The following ITSN1 variants were observed in gnomAD, a reference collection of about 807,000 sequenced individuals.
ITSN1 encodes intersectin 1.
In ITSN1, 58 loss-of-function variants were observed where a neutral mutation model predicts 239.8. The observed-to-expected ratio is 0.24, with a 90% CI of 0.20 to 0.30. The LOEUF (loss-of-function observed/expected upper bound fraction) is 0.30, where lower values mean the gene tolerates loss of function less well. ITSN1 is among the 10% of genes least tolerant of loss of function. The probability of loss-of-function intolerance (pLI) is 1.00; values close to 1 mark genes in which losing one functional copy is unlikely to be tolerated. For synonymous variants in ITSN1, 780 were observed against 770.8 expected (o/e 1.01, Z -0.20); for missense variants, 1,558 against 2,103.3 (o/e 0.74, Z 5.07).
chr21:33,704,238 C>T (rs958566764), intron 1 of ITSN1, among the ~76,000 whole-genome samples: 1 of 152,204 alleles, frequency 6.6e-6, no homozygotes, highest in African/African-American at 2.4e-5. Context: ...TAGAAGCTCA[C>T]TGGACTTATA....
intron 29 of ITSN1, among the ~76,000 whole-genome samples, chr21:33,838,746 T>G (rs2074721501): frequency 6.6e-6 from 1 of 152,222 alleles, no homozygotes; most frequent in African/African-American, 2.4e-5. Context: ...AACATAGAAC[T>G]CTACCACCCA....
intron 5 of ITSN1, among the ~76,000 whole-genome samples, chr21:33,738,800 G>A (rs1318178071): frequency 1.3e-5 from 2 of 151,672 alleles, no homozygotes; most frequent in Non-Finnish European, 2.9e-5. Context: ...TGTCTGCATG[G>A]GTTTTTTGTT....
chr21:33,767,656 C>A, intron 10 of ITSN1, 57 bp from the exon 11 acceptor site: 1 of 923,772 alleles, frequency 1.1e-6, no homozygotes, highest in Non-Finnish European at 1.7e-6. Context: ...ATAACTTGTC[C>A]AACTCCACCC....
intron 1 of ITSN1, among the ~76,000 whole-genome samples, chr21:33,688,789 A>AT (rs1247104442): frequency 6.6e-6 from 1 of 151,746 alleles, no homozygotes; most frequent in Admixed American, 6.6e-5. Context: ...CTCTAAGAAT[A>AT]GTTCACTAGT....
At chr21:33,817,203 T>C in intron 22 of ITSN1, 2 of 1,282,546 alleles carry the variant, frequency 1.6e-6, no homozygotes, top group Non-Finnish European at 2.0e-6. Context: ...GCTTAAAAGA[T>C]AATAAATGCC....
At chr21:33,774,307 A>T (rs2069421506) in intron 12 of ITSN1, 1 of 155,788 alleles carries the variant, frequency 6.4e-6, no homozygotes, top group African/African-American at 2.4e-5. Context: ...GAGTTAAGTA[A>T]TAATTTCTCT....
chr21:33,783,242 A>G (rs1452893870), intron 16 of ITSN1, among the ~76,000 whole-genome samples: 1 of 152,186 alleles, frequency 6.6e-6, no homozygotes, highest in Non-Finnish European at 1.5e-5. Context: ...GGAAGAAGTA[A>G]AACTCCTATT....
At position 33,888,226 on chromosome 21, in the gene ITSN1, T is replaced by C; in HGVS notation, c.5092T>C (p.Cys1698Arg). 1 of 1,614,100 alleles carries C rather than the reference T, an allele frequency of 6.2e-7. No homozygotes were observed. Among genetic ancestry groups the C allele is most frequent in the Non-Finnish European group, 8.5e-7 (1 of 1,180,008 alleles). ...GGGCTCCAAAGGTCCAGTTACGAAG[T>C]GTCTTCTGCTGCACGAAGTCCCCAC... ...DQGSKGPVTK[C>R]LLLHEVPTGE... Residue 1698 changes from cysteine to arginine, a missense_variant, in exon 40 of 40, where the codon TGT (cysteine) becomes CGT (arginine). Around this residue, in one of 2 missense-constraint regions of ITSN1, gnomAD observed 576 missense variants for 893.3 expected, o/e 0.64. Transcript: ENST00000381318.
intron 33 of ITSN1, among the ~76,000 whole-genome samples, chr21:33,873,495 C>T (rs908468849): frequency 2.0e-5 from 3 of 152,206 alleles, no homozygotes; most frequent in African/African-American, 7.2e-5. Flanking sequence ...AAGAGGTCCA[C>T]GTGTCTCATT....
At chr21:33,823,398 C>T (rs1322911353) in intron 24 of ITSN1, 89 bp from the exon 25 acceptor site, 1 of 1,170,364 alleles carries the variant, frequency 8.5e-7, no homozygotes, top group African/African-American at 1.5e-5. Context: ...GTCCTAACTT[C>T]CTTATTCGTA....
chr21:33,793,696 T>C (rs1202517427), intron 16 of ITSN1, among the ~76,000 whole-genome samples: 2 of 152,248 alleles, frequency 1.3e-5, no homozygotes, highest in East Asian at 1.9e-4. Flanking sequence ...CATCAAATTA[T>C]AGCTTTTTAC....
chr21:33,740,855 C>A (rs534648223), intron 5 of ITSN1, among the ~76,000 whole-genome samples: 4 of 151,874 alleles, frequency 2.6e-5, no homozygotes, highest in African/African-American at 9.7e-5. Flanking sequence ...GCTTGAGGCT[C>A]CTAGTTCAGG....
At chr21:33,652,107 CATGCTCAA>C (rs1426566694) in intron 1 of ITSN1, among the ~76,000 whole-genome samples, 2 of 151,384 alleles carry the variant, frequency 1.3e-5, no homozygotes, top group African/African-American at 4.9e-5. Context: ...TGAAGGTCAA[CATGCTCAA>C]ATTACCCAGC....
At chr21:33,703,936 A>G (rs927723224) in intron 1 of ITSN1, among the ~76,000 whole-genome samples, 2 of 152,088 alleles carry the variant, frequency 1.3e-5, no homozygotes, top group Non-Finnish European at 2.9e-5. Flanking sequence ...CTTGGGGCTG[A>G]GCTTCCTGCA....
rs772559655 is a variant in ITSN1 at position 33,765,877 on chromosome 21, A to G, written c.791A>G (p.Asn264Ser). ...ACAGTTAACTTTTTGTTGAATAGGA[A>G]TCTTTCTGACATTGATCAAGATGGA... ...LPQAQLASIW[N>S]LSDIDQDGKL... Residue 264 changes from asparagine to serine, a missense_variant and splice_region_variant, in exon 10 of 40, where the codon AAT becomes AGT. Physicochemically the swap from Asn to Ser is conservative, Grantham distance 46. This residue lies in a region of ITSN1 where 982 missense variants were observed against 1,209.9 expected (regional missense o/e 0.81). Coordinates refer to ENST00000381318, the MANE Select transcript of ITSN1 (RefSeq NM_003024.3). 1.9e-6 allele frequency: 3 copies of G among 1,614,090 alleles called. No individual in the cohort carries two copies. Among genetic ancestry groups the G allele is most frequent in the Non-Finnish European group, 2.5e-6 (3 of 1,179,970 alleles).
At chr21:33,812,428 A>G (rs2072978675) in intron 21 of ITSN1, among the ~76,000 whole-genome samples, 1 of 152,226 alleles carries the variant, frequency 6.6e-6, no homozygotes, top group South Asian at 2.1e-4. Context: ...TGTATATCTT[A>G]TAAGGATGTA....
At chr21:33,804,151 C>A (rs2072228233) in intron 20 of ITSN1, among the ~76,000 whole-genome samples, 1 of 152,150 alleles carries the variant, frequency 6.6e-6, no homozygotes, top group South Asian at 2.1e-4. Context: ...TCATCAGATT[C>A]TCAGATTCCT....
intron 23 of ITSN1, among the ~76,000 whole-genome samples, 153 bp from the exon 24 acceptor site, chr21:33,819,085 CTTA>C (rs954010673): frequency 2.0e-5 from 3 of 152,154 alleles, no homozygotes; most frequent in Non-Finnish European, 2.9e-5. Context: ...TCTGTAGTAC[CTTA>C]TTATGTGTTT....
intron 27 of ITSN1, among the ~76,000 whole-genome samples, chr21:33,832,113 A>G (rs2074327591): frequency 1.3e-5 from 2 of 152,098 alleles, no homozygotes; most frequent in Admixed American, 6.5e-5. Flanking sequence ...CCGCTGAGCA[A>G]TGGCGTCTCC....
Sources: gnomAD v4.1 joint callset for allele counts (sites outside exome capture counted in the v4.1 genomes callset) on GRCh38, gnomAD v4.1.1 for gene constraint, gnomAD v4.1.1 regional missense constraint, MANE v1.5 for transcripts, NCBI Gene and HGNC (gene_info 2026-07-23, HGNC 2026-07-21) for gene names.